NNT: variants seen among roughly 807,000 people sequenced by gnomAD.
The protein encoded by NNT is NAD(P) transhydrogenase, mitochondrial.
NNT carries 50 observed loss-of-function variants against 104.8 expected under a neutral mutation model. The observed-to-expected ratio is 0.48, with a 90% CI of 0.38 to 0.60. The LOEUF (loss-of-function observed/expected upper bound fraction) is 0.60, where lower values mean the gene tolerates loss of function less well. Among genes scored for constraint, NNT ranks in the 20% least tolerant of loss-of-function variants. The pLI, the probability that NNT is intolerant of heterozygous loss-of-function variation, is 0.00. For missense variants in NNT, 1,131 were observed against 1,330.7 expected (o/e 0.85, Z 2.33); for synonymous variants, 461 against 490.4 (o/e 0.94, Z 0.79).
chr5:43,617,965 A>C (rs553163754), intron 4 of NNT, among the ~76,000 whole-genome samples: 1 of 152,322 alleles, frequency 6.6e-6, no homozygotes, highest in South Asian at 2.1e-4. Context: ...ATCAGGGAGA[A>C]GATTTTCTTG....
At chr5:43,666,206 G>T (rs1379669038) in intron 17 of NNT, among the ~76,000 whole-genome samples, 8 of 152,316 alleles carry the variant, frequency 5.3e-5, no homozygotes, top group African/African-American at 1.9e-4. Context: ...CAGGGCAGAG[G>T]CTGCAATCTC....
At chr5:43,694,383 T>C (rs191842239) in intron 19 of NNT, among the ~76,000 whole-genome samples, 10 of 152,366 alleles carry the variant, frequency 6.6e-5, no homozygotes, top group Admixed American at 1.3e-4. Flanking sequence ...TGCTTCCTGC[T>C]TCTGCACATT....
chr5:43,675,404 C>T, intron 17 of NNT, 107 bp from the exon 18 acceptor site: 1 of 1,009,344 alleles, frequency 9.9e-7, no homozygotes, highest in Non-Finnish European at 1.4e-6. Context: ...TTTAAATGAT[C>T]AAATAAACCT....
intron 17 of NNT, among the ~76,000 whole-genome samples, chr5:43,671,613 C>T (rs1376505022): frequency 2.0e-5 from 3 of 152,190 alleles, no homozygotes; most frequent in African/African-American, 7.2e-5. Flanking sequence ...ATATTGGCCC[C>T]CACTCTCTTC....
chr5:43,655,996 A>G lies in NNT; in HGVS notation c.2216A>G (p.Lys739Arg). The change falls in exon 15 of 22, where the codon AAG (lysine) becomes AGG (arginine). Residue 739 changes from lysine to arginine, a missense_variant. Physicochemically the swap from Lys to Arg is conservative, Grantham distance 26. Transcript: ENST00000344920. ...FATDAAANLT[K>R]IVAYLGTYIG... is the part of the protein sequence containing the mutation. ...ACGGATGCAGCAGCAAATCTCACCA[A>G]GATTGTGGCCTACCTCGGCACTTAC... The G allele has an allele frequency of 6.2e-7, 1 of 1,614,230 alleles. No individual in the cohort carries two copies.
intron 17 of NNT, among the ~76,000 whole-genome samples, chr5:43,672,985 G>A (rs113717018): frequency 6.6e-6 from 1 of 152,330 alleles, no homozygotes; most frequent in African/African-American, 2.4e-5. Context: ...CAGCAATGGT[G>A]GGCGTCCCTC....
At chr5:43,620,963 TA>T (rs1323798790) in intron 5 of NNT, among the ~76,000 whole-genome samples, 1 of 152,214 alleles carries the variant, frequency 6.6e-6, no homozygotes, top group African/African-American at 2.4e-5. Context: ...AATCAGCCTT[TA>T]AAAGGTGGAA....
At chr5:43,616,184 T>G in intron 4 of NNT, 119 bp downstream of exon 4, 1 of 798,290 alleles carries the variant, frequency 1.3e-6, no homozygotes, top group Non-Finnish European at 2.0e-6. Flanking sequence ...ATTACAGCCT[T>G]TTGAGAGTGC....
chr5:43,628,438 T>A (rs757224594), intron 7 of NNT, 51 bp downstream of exon 7: 3 of 1,411,966 alleles, frequency 2.1e-6, no homozygotes, highest in Middle Eastern at 2.4e-4. Flanking sequence ...CTCTTTTTTT[T>A]TAAAAAAAAG....
chr5:43,693,128 T>C (rs2112207726), intron 19 of NNT, among the ~76,000 whole-genome samples: 1 of 152,258 alleles, frequency 6.6e-6, no homozygotes, highest in East Asian at 1.9e-4. Context: ...ATCTCCACCG[T>C]AGAAGACAAG....
intron 18 of NNT, among the ~76,000 whole-genome samples, chr5:43,677,342 G>A (rs1741467797): frequency 2.0e-5 from 3 of 151,870 alleles, no homozygotes. Flanking sequence ...ACAAAGTTAG[G>A]CTGGGACAGG....
At chr5:43,658,223 T>C (rs1379724130) in intron 16 of NNT, among the ~76,000 whole-genome samples, 2 of 152,200 alleles carry the variant, frequency 1.3e-5, no homozygotes, top group African/African-American at 4.8e-5. Context: ...TTTAAAGGAT[T>C]TATTGGTTCT....
intron 17 of NNT, among the ~76,000 whole-genome samples, chr5:43,663,683 G>A (rs538502595): frequency 4.6e-5 from 7 of 152,240 alleles, no homozygotes; most frequent in African/African-American, 7.2e-5. Flanking sequence ...TTAGTGCAAC[G>A]TAGCAGGCAT....
intron 7 of NNT, among the ~76,000 whole-genome samples, chr5:43,636,341 T>G (rs1330437238): frequency 6.6e-6 from 1 of 152,202 alleles, no homozygotes; most frequent in Non-Finnish European, 1.5e-5. Context: ...AGATGGTGCC[T>G]CATGAATCCA....
At chr5:43,666,346 C>T (rs966908196) in intron 17 of NNT, among the ~76,000 whole-genome samples, 3 of 152,282 alleles carry the variant, frequency 2.0e-5, no homozygotes, top group African/African-American at 7.2e-5. Context: ...ACCCCGGCAC[C>T]TTGGGAGGCC....
rs377554618 is a variant in NNT at position 43,702,782 on chromosome 5, T to G, written c.3111+46T>G. The G allele has an allele frequency of 2.7e-5, 36 of 1,335,600 alleles. No homozygotes were observed. The African/African-American group carries it at 5.1e-4, about 19-fold the overall frequency. 82.7% of individuals were successfully genotyped at this position (1,335,600 alleles called of 1,614,324 possible). On this transcript the variant is annotated intron_variant, in intron 21 of 21. Coordinates refer to ENST00000344920, the MANE Select transcript of NNT (RefSeq NM_182977.3). ...TTCATTCTGATAATCAAAGGTCACT[T>G]CAAATATACACACAGAACTTTCTTT...
intron 19 of NNT, among the ~76,000 whole-genome samples, chr5:43,679,184 C>T (rs1741575353): frequency 6.6e-6 from 1 of 152,188 alleles, no homozygotes; most frequent in African/African-American, 2.4e-5. Context: ...CTGCTGAGAA[C>T]ATTTGTAGGC....
At chr5:43,653,599 A>G (rs1343992986) in intron 14 of NNT, 2 of 152,176 alleles carry the variant, frequency 1.3e-5, no homozygotes, top group Non-Finnish European at 2.9e-5. Context: ...AAAAAAAAAC[A>G]TGTGCCAGCA....
Position 43,649,204 on chromosome 5 carries a change from T to G in NNT, c.1502T>G (p.Met501Arg). The G allele has an allele frequency of 6.2e-7, 1 of 1,614,228 alleles. No homozygotes were observed. Among genetic ancestry groups the G allele is most frequent in the Non-Finnish European group, 8.5e-7 (1 of 1,180,032 alleles). ...IAAPNLAFSQ[M>R]VTTFGLAGIV... ...GCTCCCAATCTAGCCTTTTCTCAGA[T>G]GGTGACCACTTTTGGCTTGGCTGGC... is the stretch of plus-strand genomic sequence containing the variant. Residue 501 changes from methionine to arginine, a missense_variant, in exon 11 of 22, where the codon ATG (methionine) becomes AGG (arginine). Coordinates refer to ENST00000344920, the MANE Select transcript of NNT (RefSeq NM_182977.3).
Sources: allele counts gnomAD v4.1 joint callset (sites outside exome capture counted in the v4.1 genomes callset), GRCh38; gene constraint gnomAD v4.1.1; transcripts MANE v1.5; gene names NCBI Gene and HGNC (gene_info 2026-07-23, HGNC 2026-07-21).